The following OPTN variants were observed in gnomAD, a reference collection of about 807,000 sequenced individuals.
OPTN encodes the protein E3-14.7K-interacting protein.
In OPTN, 54 loss-of-function variants were observed where a neutral mutation model predicts 70.4. The observed-to-expected ratio is 0.77, with a 90% confidence interval of 0.62 to 0.96. The LOEUF (loss-of-function observed/expected upper bound fraction) is 0.96, where lower values mean the gene tolerates loss of function less well. OPTN is among the 40% of genes least tolerant of loss of function. OPTN has a pLI of 0.00. For missense variants in OPTN, 624 were observed against 673.2 expected (o/e 0.93, Z 0.81); for synonymous variants, 256 against 248.5 (o/e 1.03, Z -0.28).
chr10:13,126,880 C>T (rs1417009634), intron 11 of OPTN, among the ~76,000 whole-genome samples: 2 of 152,038 alleles, frequency 1.3e-5, no homozygotes, highest in Admixed American at 6.6e-5. Context: ...AAAGAGTTAA[C>T]CAAGTGTGAT....
At chr10:13,121,260 T>C (rs1833342281) in intron 7 of OPTN, among the ~76,000 whole-genome samples, 1 of 151,974 alleles carries the variant, frequency 6.6e-6, no homozygotes, top group South Asian at 2.1e-4. Flanking sequence ...CCTTCCAACT[T>C]TGTTCTTCTT....
intron 5 of OPTN, among the ~76,000 whole-genome samples, chr10:13,114,620 A>G (rs1419239854): frequency 6.7e-6 from 1 of 149,540 alleles, no homozygotes; most frequent in Non-Finnish European, 1.5e-5. Context: ...AAATATCTAG[A>G]ACCCCCATGG....
At position 13,124,056 on chromosome 10, in the gene OPTN, A is replaced by T; in HGVS notation, c.944A>T (p.Glu315Val). The change falls in exon 9 of 15, where the codon GAG becomes GTG. Residue 315 changes from glutamate (E) to valine (V), a missense_variant. Glu to Val is a moderately radical substitution (Grantham distance 121). Coordinates refer to ENST00000378747, the MANE Select transcript of OPTN (RefSeq NM_001008212.2). ...QVTSLFKELQ[E>V]AHTKLSEAEL... is the part of the protein sequence containing the mutation. ...ACATCTCTGTTTAAGGAGCTTCAAGAGGCTCATACAAAACTCAGCGAAGCT... is the reference window on the plus strand; with the variant it reads ...ACATCTCTGTTTAAGGAGCTTCAAGTGGCTCATACAAAACTCAGCGAAGCT... 1 of 1,613,956 alleles carries T rather than the reference A, an allele frequency of 6.2e-7. No individual in the cohort carries two copies. Among genetic ancestry groups the T allele is most frequent in the Non-Finnish European group, 8.5e-7 (1 of 1,179,864 alleles).
rs1588435170 is a variant in OPTN, at chr10:13,111,410, A to G, written c.369+934A>G. 2.0e-5 allele frequency among the ~76,000 whole-genome samples: 3 copies of G among 152,186 alleles called. No individual in the cohort carries two copies. In the East Asian group the frequency reaches 5.8e-4, roughly 29 times the overall value. ...CATTTTAAATGTTATGTCAAAATAA[A>G]TCGTGGGCTAGGCACGGTGGCTCAC... On this transcript the variant is annotated intron_variant, in intron 4 of 14. Transcript: ENST00000378747.
intron 8 of OPTN, among the ~76,000 whole-genome samples, chr10:13,123,669 T>G (rs1447629250): frequency 6.6e-6 from 1 of 152,342 alleles, no homozygotes; most frequent in South Asian, 2.1e-4. Context: ...TAGATAGGAC[T>G]GTGCTTTGAC....
rs573439295 is a variant in OPTN at position 13,118,691 on chromosome 10, A to C, written c.627-197A>C. 6.6e-5 allele frequency among the ~76,000 whole-genome samples: 10 copies of C among 152,312 alleles called. No individual in the cohort carries two copies. In the South Asian group the frequency reaches 2.1e-3, roughly 32 times the overall value. ...CTCTCCAGAGCCTCACTGAGTCTCC[A>C]CACCTTCCCTAGGAAGCATGGAGGA... On this transcript the variant is annotated intron_variant, in intron 6 of 14. Coordinates refer to ENST00000378747, the MANE Select transcript of OPTN (RefSeq NM_001008212.2).
chr10:13,103,239 C>A (rs994686499), intron 1 of OPTN, among the ~76,000 whole-genome samples: 1 of 152,134 alleles, frequency 6.6e-6, no homozygotes, highest in African/African-American at 2.4e-5. Context: ...AGAATCTTAC[C>A]CCCCTTGTGA....
At chr10:13,114,147 T>C (rs1005456846) in intron 5 of OPTN, among the ~76,000 whole-genome samples, 1 of 151,572 alleles carries the variant, frequency 6.6e-6, no homozygotes, top group African/African-American at 2.4e-5. Context: ...TCAGGAGGAG[T>C]GGGGAACAAC....
intron 2 of OPTN, among the ~76,000 whole-genome samples, chr10:13,108,691 C>T (rs748641349): frequency 9.2e-5 from 14 of 152,150 alleles, no homozygotes; most frequent in East Asian, 5.8e-4. Flanking sequence ...GGACTACAAG[C>T]GCCCAACACC....
intron 6 of OPTN, 174 bp downstream of exon 6, chr10:13,116,514 GGCAAAGA>G: frequency 1.5e-6 from 1 of 675,170 alleles, no homozygotes; most frequent in South Asian, 1.6e-5. Flanking sequence ...AGCTCAAACT[GGCAAAGA>G]TTAAAAACTG....
intron 2 of OPTN, chr10:13,108,872 A>G (rs971055206): frequency 8.1e-6 from 4 of 492,826 alleles, no homozygotes; most frequent in Non-Finnish European, 1.1e-5. Context: ...ATACACCCAT[A>G]CACACACACG....
intron 1 of OPTN, among the ~76,000 whole-genome samples, chr10:13,102,670 T>A (rs555916451): frequency 3.3e-5 from 5 of 152,164 alleles, no homozygotes; most frequent in South Asian, 2.1e-4. Context: ...GGGCCAGGCA[T>A]GGTGGCTCAT....
Position 13,109,197 on chromosome 10 carries a change from C to A in OPTN, c.75C>A (p.Pro25=). 6.2e-7 allele frequency: 1 copy of A among 1,613,968 alleles called. No individual in the cohort carries two copies. The highest frequency in any genetic ancestry group is 1.1e-5 in the South Asian group (1 of 91,060). ...GTGAAAGCACAGGAAATGGACCCCC[C>A]CACCTGGCCCACCCAAACCTGGACA... ...SPSESTGNGP[P]HLAHPNLDTF... is the part of the protein sequence containing the mutation. The change falls in exon 3 of 15, where the codon CCC becomes CCA. Residue 25 remains proline (P), a synonymous_variant. Transcript: ENST00000378747.
intron 6 of OPTN, among the ~76,000 whole-genome samples, chr10:13,117,838 T>C (rs994883287): frequency 6.6e-6 from 1 of 152,256 alleles, no homozygotes; most frequent in Non-Finnish European, 1.5e-5. Flanking sequence ...TCTTCCGTTA[T>C]GTTTCTAAGC....
At chr10:13,127,999 AT>A in intron 12 of OPTN, 96 bp downstream of exon 12, 4 of 1,414,120 alleles carry the variant, frequency 2.8e-6, no homozygotes, top group Non-Finnish European at 4.0e-6. Context: ...GTAATTTTCT[AT>A]TTTATATATT....
chr10:13,127,746 C>A lies in OPTN; in HGVS notation c.1244C>A (p.Ser415Ter). 6.2e-7 allele frequency: 1 copy of A among 1,613,944 alleles called. No homozygotes were observed. The highest frequency in any genetic ancestry group is 1.1e-5 in the South Asian group (1 of 91,070). The change falls in exon 12 of 15, where the codon TCA (serine) becomes TAA (stop). Residue 415 changes from serine (S) to a stop codon, truncating the protein, a stop_gained and splice_region_variant. Transcript: ENST00000378747. LOFTEE classifies it high-confidence loss of function. The part of the protein sequence containing the change: ...KTIEELTRKE[S>*]EKVDRAVLKE... The stretch of plus-strand genomic sequence containing the variant: ...CTAGAATAAATGTTTCTTTTTCAGT[C>A]AGAAAAAGTGGACAGGGCAGTGCTG...
At chr10:13,102,455 TAAA>T (rs1832771332) in intron 1 of OPTN, among the ~76,000 whole-genome samples, 2 of 152,226 alleles carry the variant, frequency 1.3e-5, no homozygotes, top group African/African-American at 4.8e-5. Context: ...AGGAGGCTGT[TAAA>T]ATGTATTCAA....
intron 11 of OPTN, among the ~76,000 whole-genome samples, chr10:13,127,066 G>A (rs17512962): frequency 0.22 from 33,740 of 152,156 alleles, 4,303 homozygotes; most frequent in Middle Eastern, 0.4. Flanking sequence ...TGCCAGCATG[G>A]TGTGATAGTT....
intron 14 of OPTN, among the ~76,000 whole-genome samples, chr10:13,134,526 G>A (rs1252862566): frequency 7.9e-5 from 12 of 152,224 alleles, no homozygotes; most frequent in African/African-American, 1.7e-4. Context: ...TCCGCCTCCC[G>A]GGTTCAAGCG....
Sources: gnomAD v4.1 joint callset for allele counts (sites outside exome capture counted in the v4.1 genomes callset) on GRCh38, gnomAD v4.1.1 for gene constraint, MANE v1.5 for transcripts, NCBI Gene and HGNC (gene_info 2026-07-23, HGNC 2026-07-21) for gene names.